EVA1A: variants seen among roughly 807,000 people sequenced by gnomAD.
EVA1A encodes the protein eva-1 homolog A, regulator of programmed cell death, also known as protein eva-1 homolog A.
EVA1A carries 7 observed loss-of-function variants against 9.8 expected under a neutral mutation model. The observed-to-expected ratio is 0.71, with a 90% CI of 0.41 to 1.34. The LOEUF (loss-of-function observed/expected upper bound fraction) is 1.34. Among genes scored for constraint, EVA1A ranks in the 40% most tolerant of loss-of-function variants. EVA1A has a pLI of 0.01. For synonymous variants in EVA1A, 90 were observed against 85.6 expected, an observed-to-expected ratio of 1.05 and a Z score of -0.28; for missense variants, 206 against 205.9, an observed-to-expected ratio of 1.00 and a Z score of 0.00.
In EVA1A at chr2:75,519,386, G is replaced by A. The variant is rs537072023; in HGVS notation, c.-68-1178C>T. ...AGAAGGCCTGGAGAGCGGCAGTTCCGTGAGGTAAATAGAATGGGCTATAAC... is the reference window on the plus strand; with the variant it reads ...AGAAGGCCTGGAGAGCGGCAGTTCCATGAGGTAAATAGAATGGGCTATAAC... On this transcript the variant is annotated intron_variant, in intron 2 of 3. Transcript: ENST00000393913. Among the ~76,000 whole-genome samples, 26 of 152,292 alleles carry A rather than the reference G, an allele frequency of 1.7e-4. No individual in the cohort carries two copies. In the East Asian group the frequency reaches 4.2e-3, roughly 25 times the overall value.
intron 1 of EVA1A, among the ~76,000 whole-genome samples, chr2:75,565,943 A>G (rs907580384): frequency 6.6e-6 from 1 of 152,202 alleles, no homozygotes; most frequent in East Asian, 1.9e-4. Flanking sequence ...TTAAAATGTT[A>G]GTTTGGAGAA....
intron 2 of EVA1A, among the ~76,000 whole-genome samples, chr2:75,520,343 A>G (rs1675190684): frequency 6.6e-6 from 1 of 152,202 alleles, no homozygotes; most frequent in Non-Finnish European, 1.5e-5. Flanking sequence ...AAAAAAATCC[A>G]TACTGAAATT....
At chr2:75,552,664 C>T (rs112879026) in intron 1 of EVA1A, among the ~76,000 whole-genome samples, 18 of 152,278 alleles carry the variant, frequency 1.2e-4, no homozygotes, top group Non-Finnish European at 2.5e-4. Context: ...TAGACATTTC[C>T]CATACTTCAT....
At chr2:75,528,593 G>A (rs558286502) in intron 1 of EVA1A, among the ~76,000 whole-genome samples, 8 of 152,192 alleles carry the variant, frequency 5.3e-5, no homozygotes, top group East Asian at 1.9e-4. Flanking sequence ...CCACTGCCCC[G>A]TCCCCCCAGG....
At chr2:75,562,667 A>G (rs187311994), upstream of EVA1A, among the ~76,000 whole-genome samples, 14 of 152,270 alleles carry the variant, frequency 9.2e-5, no homozygotes, top group Admixed American at 2.0e-4. Context: ...CCTGACTCCA[A>G]ATTCCACACT....
At chr2:75,499,013 A>C (rs1674315702) in intron 3 of EVA1A, among the ~76,000 whole-genome samples, 1 of 152,222 alleles carries the variant, frequency 6.6e-6, no homozygotes, top group African/African-American at 2.4e-5. Flanking sequence ...GATTATAATT[A>C]ACATGCACAA....
In EVA1A at chr2:75,500,398, T is replaced by C. The variant is rs193029443; in HGVS notation, c.86-6789A>G. 1.6e-3 allele frequency among the ~76,000 whole-genome samples: 246 copies of C among 152,334 alleles called. 2 individuals are homozygous for C. Among genetic ancestry groups the C allele is most frequent in the Non-Finnish European group, 2.7e-3 (186 of 68,032 alleles). On this transcript the variant is annotated intron_variant, in intron 3 of 3. Transcript: ENST00000393913. ...AAAACTTCTTTTGTTTTTGTCTACATGTTTATGTGAACAAAGTTTCCCAAC... is the reference window on the plus strand; with the variant it reads ...AAAACTTCTTTTGTTTTTGTCTACACGTTTATGTGAACAAAGTTTCCCAAC...
chr2:75,562,808 G>A (rs113817873), upstream of EVA1A, among the ~76,000 whole-genome samples: 1,529 of 152,318 alleles, frequency 0.01, 28 homozygotes, highest in African/African-American at 0.035. Flanking sequence ...GCACAGCCCT[G>A]TACGAATATC....
rs1006625235 is a variant in EVA1A, at chr2:75,499,542, G to C, written c.86-5933C>G. On this transcript the variant is annotated intron_variant, in intron 3 of 3. Coordinates refer to ENST00000393913, the MANE Select transcript of EVA1A (RefSeq NM_001135032.2). ...TGAAGCCCATTTGCTGGAGAAATGGGTTCTGCTGTTTATCAAGATAAAATA... is the reference window on the plus strand; with the variant it reads ...TGAAGCCCATTTGCTGGAGAAATGGCTTCTGCTGTTTATCAAGATAAAATA... Among the ~76,000 whole-genome samples, 6 of 152,268 alleles carry C rather than the reference G, an allele frequency of 3.9e-5. No individual in the cohort carries two copies. The East Asian group carries it at 1.2e-3, about 29-fold the overall frequency.
Position 75,516,983 on chromosome 2 carries a change from T to C in EVA1A, c.85+1073A>G, listed in dbSNP as rs539882175. ...GAGGAGCTGACTGGTGACCTAGGCC[T>C]TCACTGATCTAAGAAGGCAGAGCCC... On this transcript the variant is annotated intron_variant, in intron 3 of 3. Coordinates refer to ENST00000393913, the MANE Select transcript of EVA1A (RefSeq NM_001135032.2). Among the ~76,000 whole-genome samples, 5 of 152,240 alleles carry C rather than the reference T, an allele frequency of 3.3e-5. No individual in the cohort carries two copies. In the East Asian group the frequency reaches 9.7e-4, roughly 29 times the overall value.
chr2:75,512,973 T>G (rs1377444432), intron 3 of EVA1A, among the ~76,000 whole-genome samples: 2 of 152,172 alleles, frequency 1.3e-5, no homozygotes, highest in Non-Finnish European at 2.9e-5. Context: ...CAGCTAGAAA[T>G]GACCATGTGA....
At chr2:75,543,599 G>A (rs1450587935) in intron 1 of EVA1A, among the ~76,000 whole-genome samples, 2 of 152,166 alleles carry the variant, frequency 1.3e-5, no homozygotes, top group Non-Finnish European at 2.9e-5. Flanking sequence ...GGAGCTGGGG[G>A]GAGAGAAGTT....
intron 3 of EVA1A, among the ~76,000 whole-genome samples, chr2:75,502,300 G>A (rs1460039162): frequency 9.9e-5 from 15 of 152,134 alleles, no homozygotes; most frequent in African/African-American, 2.7e-4. Context: ...AGACTCCTAT[G>A]TTCCCTACAA....
intron 1 of EVA1A, among the ~76,000 whole-genome samples, chr2:75,555,336 T>TCTCTCTCCCC (rs766586263): frequency 9.7e-6 from 1 of 102,742 alleles, no homozygotes; most frequent in African/African-American, 3.0e-5. Flanking sequence ...TCTCTCTCTC[T>TCTCTCTCCCC]CCCCCATCTC....
intron 1 of EVA1A, among the ~76,000 whole-genome samples, chr2:75,558,232 T>C (rs948980218): frequency 5.3e-5 from 8 of 152,230 alleles, no homozygotes; most frequent in African/African-American, 1.7e-4. Context: ...GATGAATGAT[T>C]ATTATTCCAT....
upstream of EVA1A, among the ~76,000 whole-genome samples, chr2:75,562,180 A>G (rs1676939469): frequency 6.6e-6 from 1 of 152,220 alleles, no homozygotes; most frequent in Non-Finnish European, 1.5e-5. Flanking sequence ...CACTGACTGT[A>G]TATTATGCTG....
At chr2:75,550,039 T>A (rs1210397726) in intron 1 of EVA1A, among the ~76,000 whole-genome samples, 1 of 152,134 alleles carries the variant, frequency 6.6e-6, no homozygotes, top group Admixed American at 6.5e-5. Context: ...AACAAAAGAA[T>A]CTTAAGTATG....
chr2:75,544,856 G>A (rs999263708), intron 1 of EVA1A, among the ~76,000 whole-genome samples: 11 of 152,156 alleles, frequency 7.2e-5, no homozygotes, highest in Admixed American at 5.2e-4. Context: ...GCCTGAATCT[G>A]TAAGGTATCT....
Position 75,536,448 on chromosome 2 carries a change from T to C in EVA1A, c.-191-13961A>G, listed in dbSNP as rs111427998. On this transcript the variant is annotated intron_variant, in intron 1 of 3. Transcript: ENST00000393913. ...TTTATATTATGCAACCATTAACCAATAGAAAACAAGTCTACATTGATATCT... is the reference window on the plus strand; with the variant it reads ...TTTATATTATGCAACCATTAACCAACAGAAAACAAGTCTACATTGATATCT... Among the ~76,000 whole-genome samples the C allele has an allele frequency of 3.8e-3, 571 of 151,874 alleles. 1 individual carries two copies. Among genetic ancestry groups the C allele is most frequent in the African/African-American group, 0.013 (544 of 41,392 alleles).
Sources: allele counts gnomAD v4.1 joint callset (sites outside exome capture counted in the v4.1 genomes callset), GRCh38; gene constraint gnomAD v4.1.1; transcripts MANE v1.5; gene names NCBI Gene and HGNC (gene_info 2026-07-23, HGNC 2026-07-21).